Variants in COL4A6 observed in about 807,000 individuals in gnomAD.
COL4A6 encodes the protein collagen type IV alpha 6 chain, also known as collagen alpha-6(IV) chain.
A neutral mutation model predicts 126.7 loss-of-function variants in COL4A6; 59 were observed. That is an observed-to-expected ratio of 0.47 (90% CI 0.38 to 0.58). The LOEUF is 0.58. Ranked by LOEUF, COL4A6 falls within the 20% of genes least tolerant of loss-of-function variation. COL4A6 has a pLI of 0.00. For synonymous variants in COL4A6, 547 were observed against 496.6 expected (o/e 1.10, Z -1.35); for missense variants, 1,285 against 1,337.3 (o/e 0.96, Z 0.61).
intron 12 of COL4A6, 38 bp downstream of exon 12, chrX:108,204,282 G>A (rs1421229451): frequency 2.0e-6 from 2 of 1,017,059 alleles, no homozygotes; most frequent in East Asian, 3.1e-5. Flanking sequence ...TATAGGAAAA[G>A]TTTTATTAAT....
chrX:108,158,458 G>A (rs2033808936), intron 44 of COL4A6, among the ~76,000 whole-genome samples: 2 of 112,401 alleles, frequency 1.8e-5, no homozygotes, highest in Admixed American at 9.4e-5. Context: ...AGGGCTAAGA[G>A]CCCTCCCATA....
rs534021101 is a variant in COL4A6, at chrX:108,426,714, G to T, written c.63+11228C>A. ...CAAGTGGCCTCACTACCCATTTCTA[G>T]CAGAGAGGCAATCACAATGAATGAG... On this transcript the variant is annotated intron_variant, in intron 2 of 44. Coordinates refer to ENST00000334504, the MANE Select transcript of COL4A6 (RefSeq NM_033641.4). Among the ~76,000 whole-genome samples the T allele has an allele frequency of 5.4e-5, 6 of 112,054 alleles. No individual in the cohort carries two copies. In the South Asian group the frequency reaches 2.2e-3, roughly 42 times the overall value.
intron 2 of COL4A6, among the ~76,000 whole-genome samples, chrX:108,340,491 G>C (rs1475762736): frequency 9.1e-6 from 1 of 110,273 alleles, no homozygotes; most frequent in African/African-American, 3.3e-5. Flanking sequence ...GGTTGTCTCT[G>C]TTACCCCAAA....
At chrX:108,207,345 G>A (rs961161751) in intron 8 of COL4A6, among the ~76,000 whole-genome samples, 2 of 110,401 alleles carry the variant, frequency 1.8e-5, no homozygotes, top group African/African-American at 6.6e-5. Flanking sequence ...GGTAGGGGAA[G>A]GGAGAGCATC....
chrX:108,169,734 C>T (rs2034242924), intron 36 of COL4A6, 114 bp from the exon 37 acceptor site: 5 of 1,007,298 alleles, frequency 5.0e-6, no homozygotes, highest in Non-Finnish European at 6.6e-6. Context: ...AGGCAGAGTA[C>T]TGAAGTAACA....
At chrX:108,323,098 T>C (rs2039068557) in intron 2 of COL4A6, among the ~76,000 whole-genome samples, 1 of 112,049 alleles carries the variant, frequency 8.9e-6, no homozygotes, top group Non-Finnish European at 1.9e-5. Flanking sequence ...TGTTTCTTTC[T>C]GTAATTGAGT....
intron 3 of COL4A6, among the ~76,000 whole-genome samples, chrX:108,260,011 G>A (rs1470891774): frequency 9.1e-6 from 1 of 109,525 alleles, no homozygotes; most frequent in Non-Finnish European, 1.9e-5. Context: ...TTTTTCGGAT[G>A]CACTAAAACT....
intron 2 of COL4A6, among the ~76,000 whole-genome samples, chrX:108,397,002 C>T (rs2040978552): frequency 1.8e-5 from 2 of 111,547 alleles, no homozygotes; most frequent in Admixed American, 1.9e-4. Flanking sequence ...TATATGGTGC[C>T]TCTCCATGCA....
chrX:108,204,328 C>T lies in COL4A6; in HGVS notation c.772G>A (p.Gly258Arg). The stretch of plus-strand genomic sequence containing the variant: ...TCTTAAATGTTCACTACCTTGGATC[C>T]TTTCTTCCCTTTGGGGAATCCCATG... ...EFMGFPKGKK[G>R]SKGEPGPKGF... The change falls in exon 12 of 45, where the codon GGA (glycine) becomes AGA (arginine). Residue 258 changes from glycine to arginine, a missense_variant. Gly to Arg is a moderately radical substitution (Grantham distance 125). Transcript: ENST00000334504. 8.4e-7 allele frequency: 1 copy of T among 1,185,703 alleles called. No homozygotes were observed. Among genetic ancestry groups the T allele is most frequent in the Non-Finnish European group, 1.1e-6 (1 of 882,134 alleles).
At chrX:108,201,631 G>A (rs140500516) in intron 13 of COL4A6, among the ~76,000 whole-genome samples, 1,333 of 111,919 alleles carry the variant, frequency 0.012, 12 homozygotes, top group African/African-American at 0.041. Context: ...ATGGGTACAC[G>A]AGGAATCATT....
chrX:108,198,467 A>T (rs1177712962), intron 13 of COL4A6, among the ~76,000 whole-genome samples: 1 of 111,011 alleles, frequency 9.0e-6, no homozygotes, highest in East Asian at 2.8e-4. Flanking sequence ...AAAAAAAAAG[A>T]CAAATTTGTG....
chrX:108,391,556 C>T (rs987128459), intron 2 of COL4A6, among the ~76,000 whole-genome samples: 9 of 111,976 alleles, frequency 8.0e-5, no homozygotes, highest in African/African-American at 2.9e-4. Context: ...CCCAGTCGAC[C>T]TCAGACTGCT....
intron 2 of COL4A6, among the ~76,000 whole-genome samples, chrX:108,417,163 C>A (rs1037786326): frequency 3.6e-5 from 4 of 111,199 alleles, no homozygotes; most frequent in Non-Finnish European, 5.7e-5. Context: ...CAACCTACTG[C>A]AAGATGGGAA....
intron 2 of COL4A6, among the ~76,000 whole-genome samples, chrX:108,420,002 G>A (rs780081612): frequency 6.3e-4 from 70 of 111,674 alleles, no homozygotes; most frequent in African/African-American, 2.2e-3. Flanking sequence ...GAGTGAAATC[G>A]AAGGGACATG....
At chrX:108,348,137 C>T (rs1358629243) in intron 2 of COL4A6, among the ~76,000 whole-genome samples, 1 of 111,962 alleles carries the variant, frequency 8.9e-6, no homozygotes, top group Non-Finnish European at 1.9e-5. Context: ...GTGGAAAAGG[C>T]TGAGACTGTC....
rs752547240 is a variant in COL4A6, at chrX:108,195,058, C to A, written c.948+24G>T. The stretch of plus-strand genomic sequence containing the variant: ...TTGATTGGGATTTTATACCCCAAGG[C>A]TTTAATGATATTAACCAAAATACCT... On this transcript the variant is annotated intron_variant, in intron 15 of 44. Transcript: ENST00000334504. The A allele has an allele frequency of 1.4e-5, 16 of 1,176,062 alleles. No homozygotes were observed. In the Admixed American group the frequency reaches 3.6e-4, roughly 26 times the overall value.
At chrX:108,431,632 T>G (rs1047438388) in intron 2 of COL4A6, among the ~76,000 whole-genome samples, 2 of 111,342 alleles carry the variant, frequency 1.8e-5, no homozygotes, top group Non-Finnish European at 3.8e-5. Flanking sequence ...GGACTTAATT[T>G]TAGGTTCAAT....
chrX:108,365,376 G>A (rs936336672), intron 2 of COL4A6, among the ~76,000 whole-genome samples: 15 of 111,839 alleles, frequency 1.3e-4, no homozygotes, highest in Admixed American at 2.9e-4. Flanking sequence ...AATGAAATAA[G>A]CAAGAAAGCA....
intron 28 of COL4A6, among the ~76,000 whole-genome samples, chrX:108,176,312 C>CAAAAA (rs55686119): frequency 6.4e-5 from 5 of 78,402 alleles, no homozygotes; most frequent in Non-Finnish European, 9.4e-5. Context: ...AAAACTCTGT[C>CAAAAA]AAAAAAAAAA....
Sources: allele counts gnomAD v4.1 joint callset (sites outside exome capture counted in the v4.1 genomes callset), GRCh38; gene constraint gnomAD v4.1.1; transcripts MANE v1.5; gene names NCBI Gene and HGNC (gene_info 2026-07-23, HGNC 2026-07-21).